The following ABCA9 variants were observed in gnomAD, a reference collection of about 807,000 sequenced individuals.
ABCA9 encodes ATP binding cassette subfamily A member 9.
ABCA9 carries 183 observed loss-of-function variants against 205.3 expected under a neutral mutation model. The observed-to-expected ratio is 0.89, with a 90% CI of 0.79 to 1.01. The LOEUF (loss-of-function observed/expected upper bound fraction) is 1.01. ABCA9 is among the 50% of genes least tolerant of loss of function. The pLI, the probability that ABCA9 is intolerant of heterozygous loss-of-function variation, is 0.00. For synonymous variants in ABCA9, 651 were observed against 683.3 expected, an observed-to-expected ratio of 0.95 and a Z score of 0.74; for missense variants, 1,805 against 1,912.4, an observed-to-expected ratio of 0.94 and a Z score of 1.05.
Position 68,995,933 on chromosome 17 carries a change from G to A in ABCA9, c.3517C>T (p.Pro1173Ser), listed in dbSNP as rs1181061476. 1 of 1,613,770 alleles carries A rather than the reference G, an allele frequency of 6.2e-7. No homozygotes were observed. ...GLFFGTMLIP[P>S]FTLIGSLFIF... ...AATAGAGAGCCAATCAATGTGAAGG[G>A]AGGTATTAACATGGTGCCAAAAAAT... Residue 1173 changes from proline (P) to serine (S), a missense_variant, in exon 26 of 39, where the codon CCC (proline) becomes TCC (serine). Physicochemically the swap from Pro to Ser is moderately conservative, Grantham distance 74. Coordinates refer to ENST00000340001, the MANE Select transcript of ABCA9 (RefSeq NM_080283.4).
At chr17:69,030,419 C>T (rs988039474) in intron 10 of ABCA9, among the ~76,000 whole-genome samples, 2 of 152,294 alleles carry the variant, frequency 1.3e-5, no homozygotes, top group African/African-American at 4.8e-5. Context: ...AAGGCCCCAC[C>T]CTCATGATCT....
chr17:69,066,397 A>C, the ABCA9 span, among the ~76,000 whole-genome samples: 1 of 152,088 alleles, frequency 6.6e-6, no homozygotes, highest in Admixed American at 6.5e-5. Flanking sequence ...TTTTTCAAGA[A>C]GCTTAGTTAT....
At chr17:69,051,221 T>C in intron 1 of ABCA9, 82 bp from the exon 2 acceptor site, 1 of 1,238,710 alleles carries the variant, frequency 8.1e-7, no homozygotes, top group Non-Finnish European at 1.1e-6. Context: ...AAAAGAAACA[T>C]TGTAACAGCT....
At chr17:69,067,409 G>A in the ABCA9 span, among the ~76,000 whole-genome samples, 1 of 151,780 alleles carries the variant, frequency 6.6e-6, no homozygotes, top group Non-Finnish European at 1.5e-5. Context: ...TCAGCCAGGT[G>A]TGGTAGTACA....
chr17:69,007,729 TA>T lies in ABCA9; in HGVS notation c.3435+29del, dbSNP rs1242427115. The T allele has an allele frequency of 6.1e-6, 8 of 1,321,618 alleles. 1 individual carries two copies. Among genetic ancestry groups the T allele is most frequent in the Non-Finnish European group, 7.6e-6 (7 of 924,824 alleles). The allele number at this position is 1,321,618 out of a possible 1,614,324, so 81.9% of individuals were successfully genotyped here. ...ATGTTCTTGGATTTATGAAAAATGGTAAAATAATAGGTAGTATATGCATACT... is the reference window on the plus strand; with the variant it reads ...ATGTTCTTGGATTTATGAAAAATGGTAAATAATAGGTAGTATATGCATACT... On this transcript the variant is annotated intron_variant, in intron 25 of 38. Coordinates refer to ENST00000340001, the MANE Select transcript of ABCA9 (RefSeq NM_080283.4).
At chr17:69,057,088 C>T (rs980487893) in intron 1 of ABCA9, among the ~76,000 whole-genome samples, 6 of 152,116 alleles carry the variant, frequency 3.9e-5, no homozygotes, top group Admixed American at 1.3e-4. Context: ...GTAGATGGCC[C>T]GCTTTTACTG....
At chr17:69,052,110 C>T (rs945048831) in intron 1 of ABCA9, among the ~76,000 whole-genome samples, 8 of 152,172 alleles carry the variant, frequency 5.3e-5, no homozygotes, top group Admixed American at 5.2e-4. Flanking sequence ...GTGGCTCATG[C>T]CTGTAATCCC....
chr17:69,056,835 TATGTGGTG>T (rs1164592874), intron 1 of ABCA9, among the ~76,000 whole-genome samples: 1 of 152,172 alleles, frequency 6.6e-6, no homozygotes, highest in Non-Finnish European at 1.5e-5. Context: ...AATAGTTAAA[TATGTGGTG>T]ATGAAGAGGC....
intron 6 of ABCA9, 97 bp downstream of exon 6, chr17:69,043,392 G>T: frequency 1.1e-6 from 1 of 936,838 alleles, no homozygotes; most frequent in South Asian, 1.7e-5. Context: ...GTAGCAGTCT[G>T]TGGCCTGGGG....
intron 37 of ABCA9, among the ~76,000 whole-genome samples, chr17:68,979,865 C>G (rs977114163): frequency 6.6e-6 from 1 of 152,154 alleles, no homozygotes; most frequent in Non-Finnish European, 1.5e-5. Flanking sequence ...ATTTAGGACA[C>G]AGGCAGGGGC....
chr17:68,986,318 A>C lies in ABCA9; in HGVS notation c.4054T>G (p.Leu1352Val). The change falls in exon 32 of 39, where the codon TTG (leucine) becomes GTG (valine). Residue 1352 changes from leucine to valine, a missense_variant. Transcript: ENST00000340001. ...GGTTCCCCTCCACCGCTCCCTTTCA[A>C]AATCACCTATGCAAAATAAGTTCAT... ...DTKPTAGQVILKGSGGGEPLG... is the reference protein window; with the variant it reads ...DTKPTAGQVIVKGSGGGEPLG... 1.2e-6 allele frequency: 2 copies of C among 1,607,172 alleles called. No homozygotes were observed. Among genetic ancestry groups the C allele is most frequent in the Non-Finnish European group, 1.7e-6 (2 of 1,177,306 alleles).
rs2068860693 is a variant in ABCA9 at position 68,974,989 on chromosome 17, G to T, written c.*926C>A. 1 of 152,114 alleles carries T rather than the reference G, an allele frequency of 6.6e-6. No homozygotes were observed. Among genetic ancestry groups the T allele is most frequent in the Non-Finnish European group, 1.5e-5 (1 of 68,014 alleles). The allele number at this position is 152,114 out of a possible 1,614,324, so 9.4% of individuals were successfully genotyped here. On this transcript the variant is annotated 3_prime_UTR_variant, in exon 39 of 39. Transcript: ENST00000340001. ...ATCTACATCAGGTATTTCTCCTAAT[G>T]CTATCCCTCCCCTAGCCCCCATCCC...
chr17:69,043,196 A>G, intron 6 of ABCA9: 1 of 266,502 alleles, frequency 3.8e-6, no homozygotes, highest in Middle Eastern at 1.2e-3. Context: ...GATCTCTCAC[A>G]TACACAGTTC....
the ABCA9 span, among the ~76,000 whole-genome samples, chr17:69,073,551 A>C: frequency 6.6e-6 from 1 of 152,248 alleles, no homozygotes; most frequent in Non-Finnish European, 1.5e-5. Context: ...CTTTGAAACC[A>C]GTGAGAACAA....
chr17:69,043,585 G>GACTGATACATAGTAT lies in ABCA9; in HGVS notation c.703_704insATACTATGTATCAGT (p.Phe234_Ser235insTyrThrMetTyrGln). 1 of 1,612,560 alleles carries GACTGATACATAGTAT rather than the reference G, an allele frequency of 6.2e-7. No homozygotes were observed. The highest frequency in any genetic ancestry group is 8.5e-7 in the Non-Finnish European group (1 of 1,179,228). ...GACTGATACATAGTATATAAATGTA[G>GACTGATACATAGTAT]AAAAAGAAATAATGCAAAAGAAAAT... On this transcript the variant is annotated inframe_insertion, in exon 6 of 39. Coordinates refer to ENST00000340001, the MANE Select transcript of ABCA9 (RefSeq NM_080283.4).
chr17:69,047,043 C>A (rs2071742559), intron 3 of ABCA9, among the ~76,000 whole-genome samples: 1 of 150,974 alleles, frequency 6.6e-6, no homozygotes, highest in Non-Finnish European at 1.5e-5. Context: ...CTCACTGCAA[C>A]CTTCACCTCC....
chr17:69,036,771 C>T (rs2071352185), intron 6 of ABCA9, among the ~76,000 whole-genome samples: 1 of 146,938 alleles, frequency 6.8e-6, no homozygotes, highest in African/African-American at 2.5e-5. Context: ...AGAGTCAAGA[C>T]CCATTTGTGT....
In ABCA9 at chr17:69,020,525, C is replaced by T. The variant is rs746788781; in HGVS notation, c.2463G>A (p.Glu821=). 2.2e-5 allele frequency: 36 copies of T among 1,614,110 alleles called. 1 individual carries two copies. The Admixed American group carries it at 3.7e-4, about 16-fold the overall frequency. Residue 821 remains glutamate (E), a synonymous_variant, in exon 19 of 39, where the codon GAG becomes GAA. Transcript: ENST00000340001. ...GGAAGGAAGACAAAACTTGTTCCAG[C>T]TCAACAAGGCTTCCTATATCTTTTG... ...DGAKDIGSLV[E]LEQVLSSFHE...
Position 68,984,169 on chromosome 17 carries a change from C to T in ABCA9, c.4386G>A (p.Val1462=). Residue 1462 remains valine (V), a synonymous_variant, in exon 35 of 39, where the codon GTG becomes GTA. Transcript: ENST00000340001. ...CCGTGTTTCTAAAGGTGGCCCGAAT[C>T]ACCTGCCTAAAGTTAAGTCAAGAGA... ...DPEGQQQMWQ[V]IRATFRNTER... The T allele has an allele frequency of 6.2e-7, 1 of 1,614,038 alleles. No homozygotes were observed. Among genetic ancestry groups the T allele is most frequent in the African/African-American group, 1.3e-5 (1 of 75,026 alleles).
Sources: gnomAD v4.1 joint callset for allele counts (sites outside exome capture counted in the v4.1 genomes callset) on GRCh38, gnomAD v4.1.1 for gene constraint, MANE v1.5 for transcripts, NCBI Gene and HGNC (gene_info 2026-07-23, HGNC 2026-07-21) for gene names.